TPST1: variants seen among roughly 807,000 people sequenced by gnomAD.
TPST1 encodes the protein tyrosylprotein sulfotransferase 1, also known as protein-tyrosine sulfotransferase 1.
In TPST1, 20 loss-of-function variants were observed where a neutral mutation model predicts 34.8. The ratio of observed to expected loss-of-function variants is 0.57; its 90% CI spans 0.40 to 0.84. TPST1 has a LOEUF of 0.84. Ranked by LOEUF, TPST1 falls within the 40% of genes least tolerant of loss-of-function variation. TPST1 has a pLI of 0.00. For missense variants in TPST1, 353 were observed against 455.5 expected (o/e 0.78, Z 2.05); for synonymous variants, 152 against 159.4 (o/e 0.95, Z 0.35).
chr7:66,301,126 C>CT (rs1791307711), intron 3 of TPST1, among the ~76,000 whole-genome samples: 1 of 152,256 alleles, frequency 6.6e-6, no homozygotes, highest in Middle Eastern at 3.4e-3. Context: ...TGTGAGAAAT[C>CT]TTTTTTCCTA....
intron 1 of TPST1, among the ~76,000 whole-genome samples, chr7:66,234,538 A>G (rs1789870787): frequency 6.6e-6 from 1 of 151,956 alleles, no homozygotes; most frequent in South Asian, 2.1e-4. Context: ...TTCTGTTTGG[A>G]AGCCTGCAGA....
At chr7:66,339,833 T>TAAAAAAA (rs71526540) in intron 3 of TPST1, among the ~76,000 whole-genome samples, 3 of 112,486 alleles carry the variant, frequency 2.7e-5, no homozygotes, top group East Asian at 5.2e-4. Flanking sequence ...CCCCTCAACC[T>TAAAAAAA]AAAAAAAAAA....
intron 3 of TPST1, among the ~76,000 whole-genome samples, chr7:66,294,784 C>A (rs949875567): frequency 6.6e-6 from 1 of 151,898 alleles, no homozygotes; most frequent in Non-Finnish European, 1.5e-5. Flanking sequence ...TATTTTCTCT[C>A]CTCTGCATTA....
chr7:66,345,489 CAAAAAAA>C lies in TPST1; in HGVS notation c.1045-6997_1045-6991del, dbSNP rs58837242. On this transcript the variant is annotated intron_variant, in intron 3 of 5. Transcript: ENST00000304842. ...GGGCAAAAGAGTGAGACTCCATCTC[CAAAAAAA>C]AAAAAAAAAAAAAAAAAAGATAAAT... Among the ~76,000 whole-genome samples, 5 of 64,868 alleles carry C rather than the reference CAAAAAAA, an allele frequency of 7.7e-5. No homozygotes were observed. The East Asian group carries it at 1.5e-3, about 19-fold the overall frequency. 42.6% of individuals were successfully genotyped at this position (64,868 alleles called of 152,430 possible).
In TPST1 at chr7:66,343,201, T is replaced by C. The variant is rs189687224; in HGVS notation, c.1045-9304T>C. On this transcript the variant is annotated intron_variant, in intron 3 of 5. Transcript: ENST00000304842. Reference sequence around the variant, plus strand: ...GACCCTATTCTATTTTAATAAGGAGTCTTTAGGGAAACGAAGAAATGATAG... The same window carrying C: ...GACCCTATTCTATTTTAATAAGGAGCCTTTAGGGAAACGAAGAAATGATAG... Among the ~76,000 whole-genome samples the C allele has an allele frequency of 2.6e-4, 39 of 152,034 alleles. No individual in the cohort carries two copies. The East Asian group carries it at 6.6e-3, about 26-fold the overall frequency.
intron 1 of TPST1, among the ~76,000 whole-genome samples, chr7:66,226,013 A>C (rs1157660959): frequency 6.6e-6 from 1 of 151,658 alleles, no homozygotes; most frequent in African/African-American, 2.4e-5. Flanking sequence ...CAGCCTCCCG[A>C]GTAGCTGGGA....
intron 1 of TPST1, among the ~76,000 whole-genome samples, chr7:66,215,816 A>T (rs1326327512): frequency 7.9e-6 from 1 of 126,480 alleles, no homozygotes; most frequent in African/African-American, 3.1e-5. Context: ...TTTGTCGCCC[A>T]GGCTGGAGTG....
intron 2 of TPST1, among the ~76,000 whole-genome samples, chr7:66,258,727 A>G (rs1047132211): frequency 3.3e-5 from 5 of 152,198 alleles, no homozygotes; most frequent in African/African-American, 9.7e-5. Context: ...GAGCTCAGAA[A>G]AAGTGTTAAA....
chr7:66,254,029 GA>G (rs1180941643), intron 2 of TPST1, among the ~76,000 whole-genome samples: 1 of 144,198 alleles, frequency 6.9e-6, no homozygotes, highest in East Asian at 2.0e-4. Flanking sequence ...AAGAAAGAAA[GA>G]AAATGGCTTA....
At chr7:66,284,053 C>T (rs906851655) in intron 2 of TPST1, among the ~76,000 whole-genome samples, 4 of 152,174 alleles carry the variant, frequency 2.6e-5, no homozygotes, top group South Asian at 2.1e-4. Context: ...CCATGTTCTT[C>T]CCCTTGAGAG....
chr7:66,274,184 C>A (rs891009664), intron 2 of TPST1, among the ~76,000 whole-genome samples: 44 of 151,410 alleles, frequency 2.9e-4, no homozygotes, highest in Admixed American at 7.2e-4. Context: ...CTGGCTAACA[C>A]GGTGAAACCC....
chr7:66,348,772 G>A (rs1286157645), intron 3 of TPST1, among the ~76,000 whole-genome samples: 30 of 152,148 alleles, frequency 2.0e-4, no homozygotes, highest in Admixed American at 2.0e-3. Flanking sequence ...TATTTTCGTC[G>A]GTTTTACAGT....
At chr7:66,298,461 A>G (rs1035888815) in intron 3 of TPST1, among the ~76,000 whole-genome samples, 27 of 152,214 alleles carry the variant, frequency 1.8e-4, no homozygotes, top group African/African-American at 6.5e-4. Flanking sequence ...CAGTGTTTTT[A>G]TGTATACTAT....
At chr7:66,296,251 C>CG (rs1791191871) in intron 3 of TPST1, among the ~76,000 whole-genome samples, 1 of 49,566 alleles carries the variant, frequency 2.0e-5, no homozygotes, top group Non-Finnish European at 3.8e-5. Flanking sequence ...CACCCTTCCC[C>CG]CCCCCCTCCC....
chr7:66,261,039 G>T (rs1337943164), intron 2 of TPST1, among the ~76,000 whole-genome samples: 1 of 152,086 alleles, frequency 6.6e-6, no homozygotes, highest in East Asian at 1.9e-4. Context: ...AGGACTTTCA[G>T]CTCCATTTCT....
intron 2 of TPST1, among the ~76,000 whole-genome samples, chr7:66,278,484 TA>T (rs1465942824): frequency 6.6e-6 from 1 of 151,632 alleles, no homozygotes; most frequent in East Asian, 1.9e-4. Flanking sequence ...CAGCATGAGG[TA>T]AAAAAAGAAA....
At chr7:66,268,556 T>G (rs895624638) in intron 2 of TPST1, among the ~76,000 whole-genome samples, 1 of 152,004 alleles carries the variant, frequency 6.6e-6, no homozygotes, top group Non-Finnish European at 1.5e-5. Context: ...ATTAATAAAA[T>G]AGAGAAAAAT....
chr7:66,306,538 A>G (rs1791426953), intron 3 of TPST1, among the ~76,000 whole-genome samples: 1 of 152,192 alleles, frequency 6.6e-6, no homozygotes, highest in East Asian at 1.9e-4. Flanking sequence ...TTAGCCACCT[A>G]CGTGTGCTGC....
chr7:66,338,508 C>T (rs1374335812), intron 3 of TPST1, among the ~76,000 whole-genome samples: 1 of 152,114 alleles, frequency 6.6e-6, no homozygotes, highest in African/African-American at 2.4e-5. Context: ...ACATTCCATC[C>T]AACAGTTGCA....
Sources: allele counts gnomAD v4.1 joint callset (sites outside exome capture counted in the v4.1 genomes callset), GRCh38; gene constraint gnomAD v4.1.1; transcripts MANE v1.5; gene names NCBI Gene and HGNC (gene_info 2026-07-23, HGNC 2026-07-21).